TBX18: variants seen among roughly 807,000 people sequenced by gnomAD.
TBX18 encodes the protein T-box transcription factor TBX18.
TBX18 carries 21 observed loss-of-function variants against 55.0 expected under a neutral mutation model. That is an observed-to-expected ratio of 0.38 (90% confidence interval 0.27 to 0.55). The LOEUF (loss-of-function observed/expected upper bound fraction) is 0.55. Among genes scored for constraint, TBX18 ranks in the 20% least tolerant of loss-of-function variants. The pLI is 0.73. For missense variants in TBX18, 840 were observed against 799.6 expected, an observed-to-expected ratio of 1.05 and a Z score of -0.61; for synonymous variants, 342 against 326.1, an observed-to-expected ratio of 1.05 and a Z score of -0.53.
intron 6 of TBX18, 118 bp from the exon 7 acceptor site, chr6:84,738,709 G>C: frequency 1.3e-6 from 1 of 766,462 alleles, no homozygotes; most frequent in Non-Finnish European, 2.3e-6. Flanking sequence ...CCCCCACACT[G>C]TCCAGTTAGG....
intron 3 of TBX18, among the ~76,000 whole-genome samples, chr6:84,757,074 T>C (rs1287857341): frequency 6.6e-6 from 1 of 152,238 alleles, no homozygotes; most frequent in African/African-American, 2.4e-5. Flanking sequence ...AAGGGGCGTG[T>C]TAACGGCTTA....
rs754753339 is a variant in TBX18 at position 84,764,049 on chromosome 6, C to T, written c.133G>A (p.Glu45Lys). The T allele has an allele frequency of 1.6e-5, 25 of 1,560,168 alleles. No individual in the cohort carries two copies. Among genetic ancestry groups the T allele is most frequent in the African/African-American group, 6.8e-5 (5 of 73,762 alleles). ...QKKRRKLGAE[E>K]AAGAVDDGGC... ...CCGTCGTCCACGGCCCCCGCCGCCTCTTCGGCGCCCAGTTTTCGCCGCTTC... is the reference window on the plus strand; with the variant it reads ...CCGTCGTCCACGGCCCCCGCCGCCTTTTCGGCGCCCAGTTTTCGCCGCTTC... The change falls in exon 1 of 8, where the codon GAG becomes AAG. Residue 45 changes from glutamate to lysine, a missense_variant. Glu to Lys is a moderately conservative substitution (Grantham distance 56). Coordinates refer to ENST00000369663, the MANE Select transcript of TBX18 (RefSeq NM_001080508.3).
At chr6:84,747,876 C>A in intron 5 of TBX18, 44 bp downstream of exon 5, 1 of 1,566,378 alleles carries the variant, frequency 6.4e-7, no homozygotes, top group South Asian at 1.2e-5. Context: ...CTCTCTTCAC[C>A]TGAAATGAAA....
At position 84,738,543 on chromosome 6, in the gene TBX18, T is replaced by C; in HGVS notation, c.1053A>G (p.Ser351=). Residue 351 remains serine (S), a synonymous_variant, in exon 7 of 8, where the codon TCA becomes TCG. Coordinates refer to ENST00000369663, the MANE Select transcript of TBX18 (RefSeq NM_001080508.3). ...TATCTTCAAAGGTCAGAGTCCGTAG[T>C]GATGGTCGCCAGAATGCATATGATT... ...LVESYAFWRP[S]LRTLTFEDIP... 12 of 1,614,092 alleles carry C rather than the reference T, an allele frequency of 7.4e-6. No homozygotes were observed. The highest frequency in any genetic ancestry group is 1.0e-5 in the Non-Finnish European group (12 of 1,180,000).
In TBX18 at chr6:84,762,528, C is replaced by T. The variant is rs781535023; in HGVS notation, c.497+16G>A. 1 of 1,613,940 alleles carries T rather than the reference C, an allele frequency of 6.2e-7. No individual in the cohort carries two copies. The highest frequency in any genetic ancestry group is 8.5e-7 in the Non-Finnish European group (1 of 1,179,988). On this transcript the variant is annotated intron_variant, in intron 2 of 7. Coordinates refer to ENST00000369663, the MANE Select transcript of TBX18 (RefSeq NM_001080508.3). ...TCTGGGGTAGGGAGGGGCGTCCACG[C>T]CAGCTTGCCCATTACCTGCCGGCCT...
At position 84,763,972 on chromosome 6, in the gene TBX18, G is replaced by A. The variant is rs758075575; in HGVS notation, c.210C>T (p.Asp70=). 5 of 1,580,858 alleles carry A rather than the reference G, an allele frequency of 3.2e-6. No individual in the cohort carries two copies. Among genetic ancestry groups the A allele is most frequent in the South Asian group, 1.1e-5 (1 of 88,036 alleles). ...GAGEKGSSEG[D]EGAALPPPAG... Reference sequence around the variant, plus strand: ...CCGGCGGCGGGAGCGCAGCGCCTTCGTCTCCCTCAGAAGAACCCTTTTCGC... The same window carrying A: ...CCGGCGGCGGGAGCGCAGCGCCTTCATCTCCCTCAGAAGAACCCTTTTCGC... The change falls in exon 1 of 8, where the codon GAC becomes GAT. Residue 70 remains aspartate (D), a synonymous_variant. Coordinates refer to ENST00000369663, the MANE Select transcript of TBX18 (RefSeq NM_001080508.3).
rs1479089720 is a variant in TBX18, at chr6:84,764,035, G to A, written c.147C>T (p.Ala49=). 6.4e-7 allele frequency: 1 copy of A among 1,555,448 alleles called. No homozygotes were observed. The highest frequency in any genetic ancestry group is 2.4e-5 in the East Asian group (1 of 42,000). ...RKLGAEEAAG[A]VDDGGCSRGG... ...CGCGGCTGCAGCCTCCGTCGTCCAC[G>A]GCCCCCGCCGCCTCTTCGGCGCCCA... The change falls in exon 1 of 8, where the codon GCC becomes GCT. Residue 49 remains alanine, a synonymous_variant. Transcript: ENST00000369663.
Position 84,736,915 on chromosome 6 carries a change from A to G in TBX18, c.1594T>C (p.Tyr532His). 6.2e-7 allele frequency: 1 copy of G among 1,612,912 alleles called. No homozygotes were observed. Among genetic ancestry groups the G allele is most frequent in the South Asian group, 1.1e-5 (1 of 90,762 alleles). ...RLHSPCALYG[Y>H]NFSTSPKLAA... is the part of the protein sequence containing the mutation. Reference sequence around the variant, plus strand: ...AGTTTGGGGGATGTGGAGAAGTTATATCCATATAGTGCACAGGGGCTGTGT... The same window carrying G: ...AGTTTGGGGGATGTGGAGAAGTTATGTCCATATAGTGCACAGGGGCTGTGT... Residue 532 changes from tyrosine to histidine, a missense_variant, in exon 8 of 8, where the codon TAT becomes CAT. By Grantham distance (83) the Tyr-to-His change is moderately conservative. Coordinates refer to ENST00000369663, the MANE Select transcript of TBX18 (RefSeq NM_001080508.3).
At chr6:84,743,393 C>G (rs1371577713) in intron 6 of TBX18, among the ~76,000 whole-genome samples, 1 of 152,244 alleles carries the variant, frequency 6.6e-6, no homozygotes, top group South Asian at 2.1e-4. Context: ...GAAACTGCCT[C>G]TAAAATAATT....
At chr6:84,738,324 C>T (rs991172712) in intron 7 of TBX18, among the ~76,000 whole-genome samples, 173 bp downstream of exon 7, 8 of 152,032 alleles carry the variant, frequency 5.3e-5, no homozygotes, top group Non-Finnish European at 4.4e-5. Flanking sequence ...ACCATGAGAG[C>T]CGTTTTTTCC....
rs957044079 is a variant in TBX18 at position 84,763,346 on chromosome 6, T to C, written c.292+544A>G. 2.4e-5 allele frequency: 11 copies of C among 456,616 alleles called. 1 individual carries two copies. Among genetic ancestry groups the C allele is most frequent in the African/African-American group, 1.6e-4 (8 of 50,124 alleles). The allele number at this position is 456,616 out of a possible 1,614,324, so 28.3% of individuals were successfully genotyped here. On this transcript the variant is annotated intron_variant, in intron 1 of 7. Coordinates refer to ENST00000369663, the MANE Select transcript of TBX18 (RefSeq NM_001080508.3). Reference sequence around the variant, plus strand: ...GCGCTTCCAGCCCAGCAGAGAAAAGTGTGAAAAGCAAGCCCGCGGTCGCCG... The same window carrying C: ...GCGCTTCCAGCCCAGCAGAGAAAAGCGTGAAAAGCAAGCCCGCGGTCGCCG...
At chr6:84,754,716 G>A (rs992655625) in intron 4 of TBX18, among the ~76,000 whole-genome samples, 5 of 152,214 alleles carry the variant, frequency 3.3e-5, no homozygotes, top group African/African-American at 1.2e-4. Context: ...CAGTCTGGAT[G>A]TTGCTGCCAG....
chr6:84,763,796 C>T, intron 1 of TBX18, 94 bp downstream of exon 1: 1 of 1,426,272 alleles, frequency 7.0e-7, no homozygotes, highest in Non-Finnish European at 9.1e-7. Context: ...TGGCCTTGGC[C>T]ATGTAGGGAC....
chr6:84,733,144 A>C lies in TBX18; in HGVS notation c.*3541T>G, dbSNP rs1228283000. The C allele has an allele frequency of 6.6e-6, 1 of 152,196 alleles. No individual in the cohort carries two copies. The highest frequency in any genetic ancestry group is 1.5e-5 in the Non-Finnish European group (1 of 68,026). The allele number at this position is 152,196 out of a possible 1,614,324, so 9.4% of individuals were successfully genotyped here. On this transcript the variant is annotated 3_prime_UTR_variant, in exon 8 of 8. Coordinates refer to ENST00000369663, the MANE Select transcript of TBX18 (RefSeq NM_001080508.3). Reference sequence around the variant, plus strand: ...AAAGCACATTATTTGAAAATATATCAGCATGTAGAGGGATACTAAGTTTAT... The same window carrying C: ...AAAGCACATTATTTGAAAATATATCCGCATGTAGAGGGATACTAAGTTTAT...
At chr6:84,738,366 TG>T in intron 7 of TBX18, 130 bp downstream of exon 7, 1 of 781,234 alleles carries the variant, frequency 1.3e-6, no homozygotes, top group Non-Finnish European at 2.2e-6. Flanking sequence ...AGAAGACAGA[TG>T]GAATCTGTAG....
intron 1 of TBX18, chr6:84,763,404 G>T (rs1032325915): frequency 2.2e-6 from 1 of 458,284 alleles, no homozygotes. Context: ...GAGGAGAAGG[G>T]AAGGGAACCG....
Position 84,736,684 on chromosome 6 carries a change from A to G in TBX18, c.*1T>C. 1 of 1,535,816 alleles carries G rather than the reference A, an allele frequency of 6.5e-7. No homozygotes were observed. The highest frequency in any genetic ancestry group is 8.7e-7 in the Non-Finnish European group (1 of 1,144,330). On this transcript the variant is annotated 3_prime_UTR_variant, in exon 8 of 8. Coordinates refer to ENST00000369663, the MANE Select transcript of TBX18 (RefSeq NM_001080508.3). ...AAATGTCATTTAACTTAAAGGCTTC[A>G]TCAGACCATATGTGCAGATACTTGA...
chr6:84,761,507 G>C (rs1365374433), intron 2 of TBX18, among the ~76,000 whole-genome samples: 2 of 152,132 alleles, frequency 1.3e-5, no homozygotes, highest in African/African-American at 4.8e-5. Flanking sequence ...TAAAAGCTCT[G>C]TGAAAATGTA....
chr6:84,759,470 CTTAT>C (rs951732888), intron 3 of TBX18, among the ~76,000 whole-genome samples: 2 of 151,800 alleles, frequency 1.3e-5, no homozygotes, highest in Non-Finnish European at 2.9e-5. Flanking sequence ...ATAAAACTTC[CTTAT>C]TTAAATGTTA....
Sources: allele counts gnomAD v4.1 joint callset (sites outside exome capture counted in the v4.1 genomes callset), GRCh38; gene constraint gnomAD v4.1.1; transcripts MANE v1.5; gene names NCBI Gene and HGNC (gene_info 2026-07-23, HGNC 2026-07-21).